The following RIMS2 variants were observed in gnomAD, a reference collection of about 807,000 sequenced individuals.
The protein encoded by RIMS2 is regulating synaptic membrane exocytosis 2, also known as regulating synaptic membrane exocytosis protein 2.
In RIMS2, 59 loss-of-function variants were observed where a neutral mutation model predicts 174.4. The ratio of observed to expected loss-of-function variants is 0.34; its 90% CI spans 0.27 to 0.42. The LOEUF is 0.42. Among genes scored for constraint, RIMS2 ranks in the 10% least tolerant of loss-of-function variants. RIMS2 has a pLI of 1.00. For missense variants in RIMS2, 1,620 were observed against 1,666.3 expected (o/e 0.97, Z 0.48); for synonymous variants, 606 against 572.5 (o/e 1.06, Z -0.84).
At chr8:103,768,076 G>T (rs1376898584) in intron 3 of RIMS2, among the ~76,000 whole-genome samples, 1 of 152,122 alleles carries the variant, frequency 6.6e-6, no homozygotes, top group Non-Finnish European at 1.5e-5. Context: ...GAGGCAATGT[G>T]GTTGGGTTGC....
intron 1 of RIMS2, among the ~76,000 whole-genome samples, chr8:103,544,658 A>G (rs1844132335): frequency 6.6e-6 from 1 of 152,254 alleles, no homozygotes; most frequent in Non-Finnish European, 1.5e-5. Context: ...CTCAGACAGC[A>G]GATTAGGGTT....
At position 103,756,396 on chromosome 8, in the gene RIMS2, T is replaced by G. The variant is rs1474200356; in HGVS notation, c.388-9831T>G. 9.9e-5 allele frequency among the ~76,000 whole-genome samples: 15 copies of G among 151,216 alleles called. No individual in the cohort carries two copies. The East Asian group carries it at 1.9e-3, about 20-fold the overall frequency. On this transcript the variant is annotated intron_variant, in intron 2 of 23. Transcript: ENST00000504942. ...TGTTGTTGTTGTTGTTTTTGTTTTT[T>G]TTTTTTTGCAGGACTCTTGTATATT...
intron 3 of RIMS2, among the ~76,000 whole-genome samples, chr8:103,832,360 A>T (rs944030576): frequency 6.6e-6 from 1 of 152,060 alleles, no homozygotes; most frequent in Non-Finnish European, 1.5e-5. Flanking sequence ...GAATTACATG[A>T]ATACATTGTG....
At chr8:103,960,228 C>T (rs542685621) in intron 14 of RIMS2, among the ~76,000 whole-genome samples, 1 of 152,166 alleles carries the variant, frequency 6.6e-6, no homozygotes, top group East Asian at 1.9e-4. Flanking sequence ...CATATATAAG[C>T]GTGTAGTCAC....
intron 2 of RIMS2, among the ~76,000 whole-genome samples, chr8:103,702,086 CTTGTTAACAT>C (rs1320041529): frequency 2.0e-5 from 3 of 152,042 alleles, no homozygotes; most frequent in Non-Finnish European, 4.4e-5. Context: ...TCTCTGCATC[CTTGTTAACAT>C]TTGTTATTTT....
At chr8:103,816,951 T>C (rs1169639701) in intron 3 of RIMS2, among the ~76,000 whole-genome samples, 3 of 152,216 alleles carry the variant, frequency 2.0e-5, no homozygotes, top group African/African-American at 7.2e-5. Flanking sequence ...CCTTCTTACT[T>C]AGTAGACTTG....
At chr8:103,887,953 T>C (rs545243025) in intron 4 of RIMS2, among the ~76,000 whole-genome samples, 77 of 151,690 alleles carry the variant, frequency 5.1e-4, no homozygotes, top group African/African-American at 1.8e-3. Flanking sequence ...CTCTTGGAGT[T>C]AATAACATTC....
At chr8:103,514,766 C>T (rs1828148516) in intron 1 of RIMS2, among the ~76,000 whole-genome samples, 1 of 151,990 alleles carries the variant, frequency 6.6e-6, no homozygotes, top group South Asian at 2.1e-4. Flanking sequence ...CATTTTCTGG[C>T]ATGTGCCTGT....
intron 19 of RIMS2, among the ~76,000 whole-genome samples, chr8:104,043,587 T>C (rs1381703395): frequency 6.6e-6 from 1 of 151,646 alleles, no homozygotes; most frequent in African/African-American, 2.4e-5. Flanking sequence ...TGCAGAATTT[T>C]TCATGAATTG....
At position 103,544,817 on chromosome 8, in the gene RIMS2, C is replaced by T. The variant is rs151099034; in HGVS notation, c.176+43755C>T. ...ACCCACGAACAGACTAGAATCAAAG[C>T]GAGTTGAGTGAACCCAGCTTATACC... On this transcript the variant is annotated intron_variant, in intron 1 of 23. Coordinates refer to ENST00000504942, the Ensembl canonical transcript of RIMS2. 8.9e-3 allele frequency among the ~76,000 whole-genome samples: 1,358 copies of T among 152,178 alleles called. 10 individuals carry two copies. Among genetic ancestry groups the T allele is most frequent in the Non-Finnish European group, 0.014 (976 of 68,008 alleles).
chr8:103,916,398 C>T lies in RIMS2; in HGVS notation c.1913-16C>T. 6.4e-7 allele frequency: 1 copy of T among 1,574,394 alleles called. No individual in the cohort carries two copies. Among genetic ancestry groups the T allele is most frequent in the Non-Finnish European group, 8.6e-7 (1 of 1,160,538 alleles). ...AATTTTCTGTATAAGATTATTATTA[C>T]TGACACCCACTATAGGTGATGAAGT... is the stretch of plus-strand genomic sequence containing the variant. On this transcript the variant is annotated splice_polypyrimidine_tract_variant and intron_variant, in intron 7 of 23. Transcript: ENST00000504942.
At chr8:103,654,723 A>G (rs1350146506) in intron 1 of RIMS2, among the ~76,000 whole-genome samples, 1 of 151,916 alleles carries the variant, frequency 6.6e-6, no homozygotes, top group Non-Finnish European at 1.5e-5. Context: ...CTTTCTCAAT[A>G]TGAATACTAT....
At chr8:103,901,249 C>G (rs189787526) in intron 4 of RIMS2, among the ~76,000 whole-genome samples, 195 of 152,194 alleles carry the variant, frequency 1.3e-3, no homozygotes, top group African/African-American at 4.5e-3. Context: ...CAGTGTGTTT[C>G]TTATTTCTTT....
intron 1 of RIMS2, among the ~76,000 whole-genome samples, chr8:103,529,851 A>G (rs565722933): frequency 6.6e-6 from 1 of 152,350 alleles, no homozygotes; most frequent in South Asian, 2.1e-4. Flanking sequence ...TTTTAAATAA[A>G]TATTACTTTT....
At chr8:103,649,650 T>C (rs1404845888) in intron 1 of RIMS2, among the ~76,000 whole-genome samples, 3 of 146,014 alleles carry the variant, frequency 2.1e-5, no homozygotes, top group Non-Finnish European at 4.6e-5. Flanking sequence ...TTTTCATTCT[T>C]TTTTTTTTTT....
chr8:104,134,390 G>A (rs1296728313), intron 19 of RIMS2, among the ~76,000 whole-genome samples: 5 of 152,152 alleles, frequency 3.3e-5, no homozygotes, highest in African/African-American at 9.7e-5. Flanking sequence ...GCTTGAACCC[G>A]GGAGGCGGAG....
intron 17 of RIMS2, among the ~76,000 whole-genome samples, chr8:103,993,406 T>G (rs1304796253): frequency 1.3e-5 from 2 of 152,128 alleles, no homozygotes; most frequent in Non-Finnish European, 2.9e-5. Context: ...AATGCCCTAT[T>G]ATATGGACCA....
At chr8:103,747,181 C>T (rs988260377) in intron 2 of RIMS2, among the ~76,000 whole-genome samples, 3 of 150,998 alleles carry the variant, frequency 2.0e-5, no homozygotes, top group Non-Finnish European at 4.4e-5. Context: ...CATGCTGGTG[C>T]GCTGCACCCA....
intron 1 of RIMS2, among the ~76,000 whole-genome samples, chr8:103,684,672 C>G (rs562345227): frequency 6.6e-6 from 1 of 151,864 alleles, no homozygotes; most frequent in East Asian, 1.9e-4. Context: ...CCGCAACTTC[C>G]GCCTCCCAGG....
Sources: allele counts gnomAD v4.1 joint callset (sites outside exome capture counted in the v4.1 genomes callset), GRCh38; gene constraint gnomAD v4.1.1; transcripts MANE v1.5; gene names NCBI Gene and HGNC (gene_info 2026-07-23, HGNC 2026-07-21).